The following LGMN variants were observed in gnomAD, a reference collection of about 807,000 sequenced individuals.
LGMN encodes asparaginyl endopeptidase.
A neutral mutation model predicts 56.8 loss-of-function variants in LGMN; 36 were observed. The ratio of observed to expected loss-of-function variants is 0.63; its 90% confidence interval spans 0.49 to 0.84. LGMN has a LOEUF of 0.84. LGMN is among the 40% of genes least tolerant of loss of function. The probability of loss-of-function intolerance (pLI) is 0.00; values close to 1 mark genes in which losing one functional copy is unlikely to be tolerated. For synonymous variants in LGMN, 199 were observed against 210.1 expected (o/e 0.95, Z 0.46); for missense variants, 446 against 556.1 (o/e 0.80, Z 1.99).
intron 2 of LGMN, 100 bp downstream of exon 2, chr14:92,732,549 A>G: frequency 7.3e-7 from 1 of 1,376,046 alleles, no homozygotes; most frequent in Non-Finnish European, 1.0e-6. Flanking sequence ...CAGGTCCGTC[A>G]ATGGCTTTTC....
chr14:92,740,960 G>T (rs12588992), intron 1 of LGMN: 33,036 of 152,028 alleles, frequency 0.22, 3,774 homozygotes, highest in Admixed American at 0.25. Context: ...GCCGAGACGG[G>T]TTGATCACTT....
chr14:92,742,554 T>G (rs1042706392), intron 1 of LGMN, among the ~76,000 whole-genome samples: 1 of 152,118 alleles, frequency 6.6e-6, no homozygotes, highest in Non-Finnish European at 1.5e-5. Flanking sequence ...CCCAAAGTGC[T>G]GGGATTACAG....
At position 92,713,771 on chromosome 14, in the gene LGMN, G is replaced by C. The variant is rs1401495675; in HGVS notation, c.543+52C>G. ...ACGGGACTGTGGGCTCTGCACTCAC[G>C]GCTTTCCTCACACCCCCCGCCCCCA... On this transcript the variant is annotated intron_variant, in intron 7 of 13. Transcript: ENST00000334869. The C allele has an allele frequency of 3.1e-6, 4 of 1,299,668 alleles. No individual in the cohort carries two copies. In the East Asian group the frequency reaches 9.2e-5, roughly 30 times the overall value. 80.5% of individuals were successfully genotyped at this position (1,299,668 alleles called of 1,614,324 possible).
At chr14:92,707,020 A>G (rs1188572131) in intron 11 of LGMN, among the ~76,000 whole-genome samples, 1 of 152,186 alleles carries the variant, frequency 6.6e-6, no homozygotes, top group African/African-American at 2.4e-5. Flanking sequence ...ATGGTTACAC[A>G]GCAGGGCACA....
chr14:92,733,034 AGCTACTCGGGAG>A (rs1194377553), intron 1 of LGMN, among the ~76,000 whole-genome samples: 1 of 151,814 alleles, frequency 6.6e-6, no homozygotes, highest in Non-Finnish European at 1.5e-5. Context: ...CTATAATCCC[AGCTACTCGGGAG>A]GCTGAGGAAG....
intron 11 of LGMN, 72 bp downstream of exon 11, chr14:92,709,600 G>GCCGT (rs777976915): frequency 1.6e-6 from 2 of 1,231,188 alleles, no homozygotes; most frequent in Non-Finnish European, 2.4e-6. Context: ...AGGAGGCAGG[G>GCCGT]CCGTGCTCAT....
intron 2 of LGMN, among the ~76,000 whole-genome samples, chr14:92,725,625 G>A (rs1890704588): frequency 6.6e-6 from 1 of 151,410 alleles, no homozygotes; most frequent in Non-Finnish European, 1.5e-5. Flanking sequence ...ACCCAGGCTG[G>A]AGTGCAGTGG....
Position 92,742,393 on chromosome 14 carries a change from G to A in LGMN, c.-30+6096C>T, listed in dbSNP as rs1001201235. On this transcript the variant is annotated intron_variant, in intron 1 of 13. Coordinates refer to ENST00000334869, the MANE Select transcript of LGMN (RefSeq NM_005606.7). ...GCTCACTGCAACCTCCACCTCCCAG[G>A]CTCAAGCGATTCTCATGCGTCAGCC... 7.4e-5 allele frequency among the ~76,000 whole-genome samples: 11 copies of A among 148,664 alleles called. No homozygotes were observed. The South Asian group carries it at 1.5e-3, about 20-fold the overall frequency.
At chr14:92,713,395 G>A (rs1057212202) in intron 7 of LGMN, among the ~76,000 whole-genome samples, 1 of 152,046 alleles carries the variant, frequency 6.6e-6, no homozygotes, top group Non-Finnish European at 1.5e-5. Context: ...CTCTGGCCCT[G>A]CACAGTTTCC....
chr14:92,717,904 C>T (rs1030080952), intron 3 of LGMN, among the ~76,000 whole-genome samples: 7 of 152,136 alleles, frequency 4.6e-5, no homozygotes, highest in African/African-American at 9.7e-5. Context: ...GTAAGGGTAG[C>T]GTCCTTCACC....
intron 2 of LGMN, among the ~76,000 whole-genome samples, chr14:92,727,429 C>CAA (rs35889328): frequency 0.05 from 2,241 of 44,422 alleles, 62 homozygotes; most frequent in African/African-American, 0.09. Flanking sequence ...GACTGCCTCA[C>CAA]AAAAAAAAAA....
At chr14:92,722,388 C>T (rs1257670878) in intron 2 of LGMN, among the ~76,000 whole-genome samples, 1 of 152,046 alleles carries the variant, frequency 6.6e-6, no homozygotes, top group East Asian at 1.9e-4. Context: ...CGAGACCAGG[C>T]TGGCCAATAT....
In LGMN at chr14:92,716,160, A is replaced by G. The variant is rs755725862; in HGVS notation, c.380T>C (p.Ile127Thr). The G allele has an allele frequency of 1.2e-6, 2 of 1,613,034 alleles. No individual in the cohort carries two copies. The highest frequency in any genetic ancestry group is 8.5e-7 in the Non-Finnish European group (1 of 1,179,246). Residue 127 changes from isoleucine (I) to threonine (T), a missense_variant, in exon 5 of 14, where the codon ATA becomes ACA. Transcript: ENST00000334869. ...CCTCTTCAGGACTTTGCCGGATCCT[A>G]TGCCCTTCACTGCTTCTGCATCGCC... ...LRGDAEAVKG[I>T]GSGKVLKSGP...
intron 5 of LGMN, 163 bp downstream of exon 5, chr14:92,715,973 A>C (rs1890053128): frequency 4.2e-6 from 2 of 478,060 alleles, no homozygotes; most frequent in Admixed American, 3.8e-5. Context: ...GAAGCCACTG[A>C]AACAACAGCC....
At chr14:92,745,949 G>A (rs768519848) in intron 1 of LGMN, among the ~76,000 whole-genome samples, 3 of 151,986 alleles carry the variant, frequency 2.0e-5, no homozygotes, top group East Asian at 1.9e-4. Flanking sequence ...AGCCTCCCGA[G>A]TAGCTGGGAT....
At position 92,711,828 on chromosome 14, in the gene LGMN, A is replaced by G; in HGVS notation, c.729+9T>C. Reference sequence around the variant, plus strand: ...CCCCAGCTGAACAGCCAGCCCCCAAAGGGCTCACCACGTCCGAATCTTCCA... The same window carrying G: ...CCCCAGCTGAACAGCCAGCCCCCAAGGGGCTCACCACGTCCGAATCTTCCA... On this transcript the variant is annotated intron_variant, in intron 9 of 13. Transcript: ENST00000334869. 6 of 1,608,422 alleles carry G rather than the reference A, an allele frequency of 3.7e-6. No individual in the cohort carries two copies. Among genetic ancestry groups the G allele is most frequent in the Non-Finnish European group, 5.1e-6 (6 of 1,174,732 alleles).
chr14:92,737,603 G>A (rs1169650203), intron 1 of LGMN, among the ~76,000 whole-genome samples: 3 of 152,174 alleles, frequency 2.0e-5, no homozygotes, highest in Non-Finnish European at 4.4e-5. Context: ...TTTTAAAAGT[G>A]CCCACTTTCT....
rs550764719 is a variant in LGMN, at chr14:92,714,584, C to A, written c.405-133G>T. On this transcript the variant is annotated intron_variant, in intron 5 of 13. Coordinates refer to ENST00000334869, the MANE Select transcript of LGMN (RefSeq NM_005606.7). This position sits in a 1 kb window ranked among gnomAD's most constrained non-coding sequence, Gnocchi z 5.1. ...GCCCAACCAGGTTTGAAGATGAACA[C>A]AAGGGCCCGGTGCCCGGTGTCTGGC... 73 of 650,248 alleles carry A rather than the reference C, an allele frequency of 1.1e-4. No individual in the cohort carries two copies. The highest frequency in any genetic ancestry group is 8.6e-4 in the African/African-American group (47 of 54,848). 40.3% of individuals were successfully genotyped at this position (650,248 alleles called of 1,614,324 possible).
Position 92,704,282 on chromosome 14 carries a change from G to A in LGMN, c.*37C>T. The A allele has an allele frequency of 6.2e-7, 1 of 1,613,926 alleles. No homozygotes were observed. The highest frequency in any genetic ancestry group is 8.5e-7 in the Non-Finnish European group (1 of 1,179,890). ...CTCTGATCAGCACACAGTCGGTGGG[G>A]CGCTCACACTTGGAAAAGCTTCCAG... On this transcript the variant is annotated 3_prime_UTR_variant, in exon 14 of 14. Coordinates refer to ENST00000334869, the MANE Select transcript of LGMN (RefSeq NM_005606.7).
Sources: gnomAD v4.1 joint callset for allele counts (sites outside exome capture counted in the v4.1 genomes callset) on GRCh38, gnomAD v4.1.1 for gene constraint, Gnocchi (gnomAD v3.1) non-coding constraint, MANE v1.5 for transcripts, NCBI Gene and HGNC (gene_info 2026-07-23, HGNC 2026-07-21) for gene names.